The following GTF2IRD2B variants were observed in gnomAD, a reference collection of about 807,000 sequenced individuals.
The protein encoded by GTF2IRD2B is GTF2I repeat domain containing 2B, also known as general transcription factor II-I repeat domain-containing protein 2B.
GTF2IRD2B carries 10 observed loss-of-function variants against 55.6 expected under a neutral mutation model. That is an observed-to-expected ratio of 0.18 (90% CI 0.11 to 0.31). GTF2IRD2B has a LOEUF of 0.31. Ranked by LOEUF, GTF2IRD2B falls within the 10% of genes least tolerant of loss-of-function variation. GTF2IRD2B has a pLI of 1.00. For missense variants in GTF2IRD2B, 206 were observed against 802.7 expected (o/e 0.26, Z 8.98); for synonymous variants, 107 against 320.5 (o/e 0.33, Z 7.12).
intron 14 of GTF2IRD2B, among the ~76,000 whole-genome samples, chr7:75,142,946 TG>T (rs1563100862): frequency 8.9e-6 from 1 of 111,910 alleles, no homozygotes. Flanking sequence ...TAAAACTAAG[TG>T]GGGCCAGGCA....
At position 75,119,807 on chromosome 7, in the gene GTF2IRD2B, C is replaced by T. The variant is rs1186400066; in HGVS notation, c.239-1084C>T. Among the ~76,000 whole-genome samples, 57 of 95,920 alleles carry T rather than the reference C, an allele frequency of 5.9e-4. 6 individuals are homozygous for T. Among genetic ancestry groups the T allele is most frequent in the South Asian group, 3.5e-3 (11 of 3,122 alleles). The allele number at this position is 95,920 out of a possible 152,430, so 62.9% of individuals were successfully genotyped here. A position where few individuals can be genotyped will look rare whatever the true frequency, so the allele number is the denominator to read the frequency against. Reference sequence around the variant, plus strand: ...ATGAGTACACTAAAACCCCAGACTTCACCAACAACACCGTATATCCATGCA... The same window carrying T: ...ATGAGTACACTAAAACCCCAGACTTTACCAACAACACCGTATATCCATGCA... On this transcript the variant is annotated intron_variant, in intron 3 of 15. Transcript: ENST00000472837.
At chr7:75,101,547 C>G (rs1807557209) in intron 1 of GTF2IRD2B, among the ~76,000 whole-genome samples, 1 of 150,874 alleles carries the variant, frequency 6.6e-6, no homozygotes, top group African/African-American at 2.4e-5. Context: ...CATGGCACTG[C>G]ACTTCAGCCT....
rs1808455666 is a variant in GTF2IRD2B at position 75,123,639 on chromosome 7, G to C, written c.571+123G>C. On this transcript the variant is annotated intron_variant, in intron 6 of 15. Coordinates refer to ENST00000472837, the MANE Select transcript of GTF2IRD2B (RefSeq NM_001003795.3). ...ACCTGTAATCCCAGCACTTTGGGAG[G>C]CTGAGGCAGGTGGATCACAAGGTCA... is the stretch of plus-strand genomic sequence containing the variant. 1.5e-5 allele frequency: 9 copies of C among 620,232 alleles called. No individual in the cohort carries two copies. In the Admixed American group the frequency reaches 1.8e-4, roughly 12 times the overall value. The allele number at this position is 620,232 out of a possible 1,614,324, so 38.4% of individuals were successfully genotyped here.
intron 10 of GTF2IRD2B, among the ~76,000 whole-genome samples, chr7:75,136,175 G>C (rs1321039979): frequency 8.0e-6 from 1 of 125,188 alleles, no homozygotes; most frequent in Non-Finnish European, 1.6e-5. Context: ...TAATAATAAA[G>C]ATTTCCTTTC....
At chr7:75,127,401 T>G (rs1183926824) in intron 8 of GTF2IRD2B, among the ~76,000 whole-genome samples, 1 of 136,870 alleles carries the variant, frequency 7.3e-6, no homozygotes, top group Non-Finnish European at 1.5e-5. Flanking sequence ...CCCAGGAGGT[T>G]GAGGCTGCAG....
At position 75,145,687 on chromosome 7, in the gene GTF2IRD2B, C is replaced by G. The variant is rs1328535920; in HGVS notation, c.1246+1709C>G. On this transcript the variant is annotated intron_variant, in intron 15 of 15. Transcript: ENST00000472837. ...GTCGGGGGTTGCAGTGAGCTGAGAT[C>G]GTGCCACTGCACTCCAGTTTGGTGA... 1.4e-5 allele frequency among the ~76,000 whole-genome samples: 2 copies of G among 142,206 alleles called. 1 individual carries two copies. Among genetic ancestry groups the G allele is most frequent in the African/African-American group, 5.3e-5 (2 of 37,852 alleles). The allele number at this position is 142,206 out of a possible 152,430, so 93.3% of individuals were successfully genotyped here.
chr7:75,112,162 CA>C (rs1807992714), intron 2 of GTF2IRD2B, among the ~76,000 whole-genome samples: 1 of 20,174 alleles, frequency 5.0e-5, no homozygotes, highest in African/African-American at 1.0e-4. Context: ...CCCAGCTACT[CA>C]GGAGGCTGAG....
chr7:75,121,679 G>A (rs1554536498), intron 4 of GTF2IRD2B, among the ~76,000 whole-genome samples: 3 of 150,548 alleles, frequency 2.0e-5, no homozygotes, highest in African/African-American at 7.3e-5. Context: ...GGTTGGTCTC[G>A]AACTCCTGAC....
chr7:75,106,189 G>A (rs1357780322), intron 1 of GTF2IRD2B, among the ~76,000 whole-genome samples: 2 of 152,410 alleles, frequency 1.3e-5, no homozygotes, highest in Admixed American at 6.5e-5. Context: ...GATCACCTGA[G>A]GTCAGGAGTT....
At chr7:75,117,328 C>T (rs1554537155) in intron 3 of GTF2IRD2B, among the ~76,000 whole-genome samples, 2 of 152,012 alleles carry the variant, frequency 1.3e-5, no homozygotes, top group Non-Finnish European at 2.9e-5. Flanking sequence ...GGGAAAACCC[C>T]GTCTCTACTA....
intron 1 of GTF2IRD2B, among the ~76,000 whole-genome samples, chr7:75,104,968 C>T (rs1336374195): frequency 6.6e-6 from 1 of 152,298 alleles, no homozygotes; most frequent in African/African-American, 2.4e-5. Flanking sequence ...GAGGCAGAAG[C>T]AGGAAGATCG....
At chr7:75,112,249 G>A (rs1584530350) in intron 2 of GTF2IRD2B, 148 bp from the exon 3 acceptor site, 3 of 155,828 alleles carry the variant, frequency 1.9e-5, no homozygotes, top group South Asian at 9.8e-5. Flanking sequence ...CAGCCTGGGT[G>A]ACAGAGCGAG....
intron 1 of GTF2IRD2B, among the ~76,000 whole-genome samples, chr7:75,102,643 T>C (rs1205586844): frequency 1.3e-5 from 2 of 149,432 alleles, no homozygotes; most frequent in Admixed American, 1.3e-4. Context: ...TGGGTGACAT[T>C]GTGAGACTCT....
At chr7:75,132,917 TA>T (rs1285682831) in intron 8 of GTF2IRD2B, among the ~76,000 whole-genome samples, 1 of 142,920 alleles carries the variant, frequency 7.0e-6, no homozygotes, top group Non-Finnish European at 1.5e-5. Context: ...TAAACATACA[TA>T]AATACACAAA....
In GTF2IRD2B at chr7:75,105,133, C is replaced by A. The variant is rs1807740555; in HGVS notation, c.-5-3827C>A. Among the ~76,000 whole-genome samples, 8 of 152,404 alleles carry A rather than the reference C, an allele frequency of 5.2e-5. No individual in the cohort carries two copies. In the South Asian group the frequency reaches 1.7e-3, roughly 32 times the overall value. Reference sequence around the variant, plus strand: ...ATCAACTGAGCCCAGAAGGTCGAGGCTACACTGAACTGTGGTAACACTCCA... The same window carrying A: ...ATCAACTGAGCCCAGAAGGTCGAGGATACACTGAACTGTGGTAACACTCCA... On this transcript the variant is annotated intron_variant, in intron 1 of 15. Transcript: ENST00000472837.
chr7:75,104,861 C>G (rs1452494164), intron 1 of GTF2IRD2B, among the ~76,000 whole-genome samples: 1 of 152,294 alleles, frequency 6.6e-6, no homozygotes, highest in African/African-American at 2.4e-5. Flanking sequence ...GCTGCTTTTT[C>G]TGACTCCAGC....
chr7:75,126,763 G>A (rs1212815147), intron 8 of GTF2IRD2B, among the ~76,000 whole-genome samples: 2 of 150,176 alleles, frequency 1.3e-5, no homozygotes, highest in Non-Finnish European at 3.0e-5. Context: ...TTGGGAGGCT[G>A]AGGCGGACAG....
chr7:75,127,460 C>T (rs1237580336), intron 8 of GTF2IRD2B, among the ~76,000 whole-genome samples: 3 of 103,950 alleles, frequency 2.9e-5, no homozygotes, highest in Non-Finnish European at 5.3e-5. Context: ...CAGAGAGAGA[C>T]GTTGTCTCAA....
intron 3 of GTF2IRD2B, among the ~76,000 whole-genome samples, chr7:75,116,719 T>A (rs1808171723): frequency 2.8e-5 from 4 of 143,762 alleles, no homozygotes; most frequent in African/African-American, 1.0e-4. Flanking sequence ...CTCTGCTCAC[T>A]GCAACCTCCG....
Sources: allele counts gnomAD v4.1 joint callset (sites outside exome capture counted in the v4.1 genomes callset), GRCh38; gene constraint gnomAD v4.1.1; transcripts MANE v1.5; gene names NCBI Gene and HGNC (gene_info 2026-07-23, HGNC 2026-07-21).